The following FAM178B variants were observed in gnomAD, a reference collection of about 807,000 sequenced individuals.
FAM178B encodes the protein family with sequence similarity 178 member B.
In FAM178B, 82 loss-of-function variants were observed where a neutral mutation model predicts 91.7. That is an observed-to-expected ratio of 0.89 (90% CI 0.75 to 1.07). The LOEUF is 1.07. Ranked by LOEUF, FAM178B falls within the 50% of genes least tolerant of loss-of-function variation. The pLI is 0.00. For missense variants in FAM178B, 769 were observed against 846.7 expected (o/e 0.91, Z 1.14); for synonymous variants, 368 against 359.4 (o/e 1.02, Z -0.27).
intron 8 of FAM178B, among the ~76,000 whole-genome samples, chr2:96,942,480 C>T (rs868833687): frequency 2.0e-5 from 3 of 152,196 alleles, no homozygotes; most frequent in Non-Finnish European, 4.4e-5. Context: ...GCAACCTCCG[C>T]CTCCTAGGTT....
intron 14 of FAM178B, among the ~76,000 whole-genome samples, chr2:96,887,149 A>G (rs1481357774): frequency 6.6e-6 from 1 of 152,102 alleles, no homozygotes; most frequent in Non-Finnish European, 1.5e-5. Context: ...CAGGAGGCGG[A>G]GCTTGTAGTG....
At chr2:96,884,512 T>C in intron 14 of FAM178B, among the ~76,000 whole-genome samples, 1 of 152,152 alleles carries the variant, frequency 6.6e-6, no homozygotes, top group Non-Finnish European at 1.5e-5. Context: ...ACAACAGCGA[T>C]GAATCATGAG....
At chr2:96,899,851 C>CTTTTTTTTTT (rs78433909) in intron 13 of FAM178B, among the ~76,000 whole-genome samples, 7 of 113,514 alleles carry the variant, frequency 6.2e-5, no homozygotes, top group Non-Finnish European at 1.2e-4. Flanking sequence ...ATTCCCCACT[C>CTTTTTTTTTT]TTTTTTTTTT....
At chr2:96,891,914 C>A (rs1193566119) in intron 14 of FAM178B, among the ~76,000 whole-genome samples, 2 of 152,202 alleles carry the variant, frequency 1.3e-5, no homozygotes. Flanking sequence ...CCAGGCTGGG[C>A]CGCCTCAGGT....
intron 6 of FAM178B, among the ~76,000 whole-genome samples, chr2:96,957,387 G>A (rs1182333240): frequency 6.6e-6 from 1 of 152,134 alleles, no homozygotes; most frequent in African/African-American, 2.4e-5. Context: ...GTCACACAGC[G>A]GGCATTCCCT....
intron 8 of FAM178B, among the ~76,000 whole-genome samples, chr2:96,935,650 T>G (rs2081611240): frequency 6.6e-6 from 1 of 150,740 alleles, no homozygotes; most frequent in South Asian, 2.1e-4. Flanking sequence ...AATTTTTGTT[T>G]GGAGACGGAG....
In FAM178B at chr2:96,972,145, G is replaced by A. The variant is rs1574319420; in HGVS notation, c.320C>T (p.Pro107Leu). Reference protein sequence around the residue: ...PKIQAPGETFPTDWSPPPVEF... With the variant: ...PKIQAPGETFLTDWSPPPVEF... ...CACGGGCGGGGGGCTCCAGTCAGTG[G>A]GAAACGTTTCCCCAGGTGCCTGTAT... Residue 107 changes from proline (P) to leucine (L), a missense_variant, in exon 3 of 17, where the codon CCC becomes CTC. Transcript: ENST00000490605. 1.3e-6 allele frequency: 2 copies of A among 1,539,490 alleles called. No homozygotes were observed. Among genetic ancestry groups the A allele is most frequent in the Non-Finnish European group, 1.8e-6 (2 of 1,141,418 alleles).
chr2:96,883,666 C>T (rs945790460), intron 14 of FAM178B, among the ~76,000 whole-genome samples: 1 of 152,152 alleles, frequency 6.6e-6, no homozygotes, highest in Non-Finnish European at 1.5e-5. Flanking sequence ...CTGGGAAGGA[C>T]GAAGATGGAC....
chr2:96,915,805 GA>G (rs202238347), intron 12 of FAM178B, among the ~76,000 whole-genome samples: 251 of 134,738 alleles, frequency 1.9e-3, no homozygotes, highest in East Asian at 2.8e-3. Context: ...GACAGAGTGG[GA>G]AAAAAAAAAA....
chr2:96,975,094 C>CAAAAAAAA (rs34807786), intron 1 of FAM178B, among the ~76,000 whole-genome samples: 1 of 56,274 alleles, frequency 1.8e-5, no homozygotes, highest in Non-Finnish European at 2.7e-5. Flanking sequence ...GACTCTGTCT[C>CAAAAAAAA]AAAAAAAAAA....
intron 6 of FAM178B, among the ~76,000 whole-genome samples, chr2:96,957,272 A>C (rs995058834): frequency 2.0e-5 from 3 of 152,192 alleles, no homozygotes; most frequent in Admixed American, 2.0e-4. Context: ...CTGGCCTTGA[A>C]GTCCTTGGCA....
chr2:96,894,802 C>T (rs1413163634), intron 13 of FAM178B, among the ~76,000 whole-genome samples: 1 of 96,378 alleles, frequency 1.0e-5, no homozygotes, highest in African/African-American at 4.5e-5. Context: ...CACACACACA[C>T]TCACCCACAT....
chr2:96,946,935 A>G (rs2081838964), intron 8 of FAM178B, among the ~76,000 whole-genome samples: 1 of 152,158 alleles, frequency 6.6e-6, no homozygotes, highest in Non-Finnish European at 1.5e-5. Flanking sequence ...AGCTCAGCCA[A>G]CTCCTGAAGC....
intron 5 of FAM178B, among the ~76,000 whole-genome samples, chr2:96,962,896 C>A (rs970888824): frequency 6.6e-6 from 1 of 152,182 alleles, no homozygotes; most frequent in Non-Finnish European, 1.5e-5. Context: ...ACCTGCACCC[C>A]CTTCCCTGGC....
intron 13 of FAM178B, chr2:96,895,174 A>G (rs2080796854): frequency 3.4e-6 from 4 of 1,192,672 alleles, no homozygotes; most frequent in Non-Finnish European, 4.4e-6. Flanking sequence ...AATACATCGT[A>G]TCGTTTTACC....
chr2:96,897,040 T>A (rs1378876080), intron 13 of FAM178B, among the ~76,000 whole-genome samples: 4 of 152,212 alleles, frequency 2.6e-5, no homozygotes, highest in Non-Finnish European at 4.4e-5. Context: ...CTAATTTTTG[T>A]ATTTTTAGTA....
chr2:96,965,156 C>T (rs931254131), intron 5 of FAM178B, among the ~76,000 whole-genome samples: 2 of 151,968 alleles, frequency 1.3e-5, no homozygotes, highest in Non-Finnish European at 2.9e-5. Context: ...CGCGTCACCA[C>T]GCCCAGCTAA....
At chr2:96,926,808 A>T (rs1260142489) in intron 9 of FAM178B, among the ~76,000 whole-genome samples, 1 of 152,194 alleles carries the variant, frequency 6.6e-6, no homozygotes, top group Non-Finnish European at 1.5e-5. Flanking sequence ...ATGTGGGAAG[A>T]CTTGTCTTTC....
At chr2:96,883,396 C>T (rs550843968) in intron 14 of FAM178B, among the ~76,000 whole-genome samples, 23 of 152,302 alleles carry the variant, frequency 1.5e-4, no homozygotes, top group African/African-American at 2.2e-4. Flanking sequence ...GAAAGGAGGA[C>T]GGAGAGGCTC....
Sources: gnomAD v4.1 joint callset for allele counts (sites outside exome capture counted in the v4.1 genomes callset) on GRCh38, gnomAD v4.1.1 for gene constraint, MANE v1.5 for transcripts, NCBI Gene and HGNC (gene_info 2026-07-23, HGNC 2026-07-21) for gene names.